The following BRWD3 variants were observed in gnomAD, a reference collection of about 807,000 sequenced individuals.
BRWD3 encodes the protein bromodomain and WD repeat domain containing 3, also known as bromodomain and WD repeat-containing protein 3.
Under a neutral mutation model 149.7 loss-of-function variants are expected in BRWD3, and 10 were observed. That is an observed-to-expected ratio of 0.07 (90% CI 0.04 to 0.11). The LOEUF is 0.11. Ranked by LOEUF, BRWD3 falls within the 10% of genes least tolerant of loss-of-function variation. The pLI is 1.00. For synonymous variants in BRWD3, 504 were observed against 456.7 expected (o/e 1.10, Z -1.32); for missense variants, 940 against 1,373.2 (o/e 0.68, Z 4.99).
intron 6 of BRWD3, among the ~76,000 whole-genome samples, chrX:80,765,285 T>G (rs973363232): frequency 8.9e-6 from 1 of 111,767 alleles, no homozygotes; most frequent in African/African-American, 3.3e-5. Context: ...TGATTGACAC[T>G]GACTACTGAG....
intron 6 of BRWD3, among the ~76,000 whole-genome samples, chrX:80,777,763 T>C (rs2074014357): frequency 2.7e-5 from 3 of 111,390 alleles, no homozygotes; most frequent in South Asian, 3.7e-4. Context: ...CCTGCAATCA[T>C]TAAAGTTATC....
At chrX:80,731,742 A>G (rs1569265760) in intron 12 of BRWD3, among the ~76,000 whole-genome samples, 1 of 108,314 alleles carries the variant, frequency 9.2e-6, no homozygotes. Flanking sequence ...AAAATACAAA[A>G]AAATTAGCCA....
chrX:80,746,504 A>G (rs935221568), intron 6 of BRWD3, among the ~76,000 whole-genome samples: 4 of 111,110 alleles, frequency 3.6e-5, no homozygotes, highest in African/African-American at 1.3e-4. Flanking sequence ...TGCTCATGCT[A>G]AAAAACAAAT....
intron 6 of BRWD3, among the ~76,000 whole-genome samples, chrX:80,784,550 A>C (rs1379735514): frequency 9.1e-6 from 1 of 110,159 alleles, no homozygotes; most frequent in Non-Finnish European, 1.9e-5. Context: ...CCTCACCCCC[A>C]CAAGAGGCCC....
intron 6 of BRWD3, among the ~76,000 whole-genome samples, chrX:80,773,896 T>C (rs781184125): frequency 2.7e-5 from 3 of 112,665 alleles, no homozygotes; most frequent in African/African-American, 9.7e-5. Flanking sequence ...CATTCTGGCA[T>C]CTGCCTAACC....
intron 33 of BRWD3, 91 bp downstream of exon 33, chrX:80,689,677 G>T: frequency 1.2e-6 from 1 of 828,037 alleles, no homozygotes; most frequent in Non-Finnish European, 1.8e-6. Flanking sequence ...CTGTTTTGCT[G>T]TTCATGGCCA....
At chrX:80,742,647 C>T (rs2073531589) in intron 8 of BRWD3, among the ~76,000 whole-genome samples, 1 of 109,913 alleles carries the variant, frequency 9.1e-6, no homozygotes, top group Non-Finnish European at 1.9e-5. Flanking sequence ...GTATTTTATT[C>T]TCTTTGAAGC....
chrX:80,757,827 C>T (rs2073759629), intron 6 of BRWD3, among the ~76,000 whole-genome samples: 1 of 112,296 alleles, frequency 8.9e-6, no homozygotes, highest in Admixed American at 9.5e-5. Context: ...GACTTAGCTG[C>T]TTTCTTTAAA....
chrX:80,742,411 T>TATGAACTTTAAAGC (rs2073526934), intron 8 of BRWD3, among the ~76,000 whole-genome samples: 1 of 96,277 alleles, frequency 1.0e-5, no homozygotes, highest in Non-Finnish European at 2.0e-5. Flanking sequence ...TTTGGTTCTG[T>TATGAACTTTAAAGC]AGTTTTTTCC....
At chrX:80,807,169 G>T (rs185458217) in intron 4 of BRWD3, among the ~76,000 whole-genome samples, 1 of 111,902 alleles carries the variant, frequency 8.9e-6, no homozygotes, top group East Asian at 2.8e-4. Context: ...AAGTCCAACA[G>T]AAAGACTGAC....
At chrX:80,723,193 C>T (rs962666163) in intron 16 of BRWD3, among the ~76,000 whole-genome samples, 4 of 110,927 alleles carry the variant, frequency 3.6e-5, no homozygotes, top group African/African-American at 1.3e-4. Flanking sequence ...AAATATCAAT[C>T]ACATCAAAGG....
intron 5 of BRWD3, 39 bp from the exon 6 acceptor site, chrX:80,791,991 G>GTTT: frequency 2.5e-6 from 2 of 801,703 alleles, no homozygotes; most frequent in Non-Finnish European, 3.5e-6. Context: ...GAATAGAGCA[G>GTTT]TTTTTTTTTT....
intron 4 of BRWD3, among the ~76,000 whole-genome samples, chrX:80,803,696 A>C (rs984438806): frequency 3.6e-5 from 4 of 112,180 alleles, no homozygotes; most frequent in Non-Finnish European, 5.6e-5. Flanking sequence ...TTGATATCCC[A>C]TGATGCATCC....
chrX:80,769,725 G>T (rs1229937724), intron 6 of BRWD3, among the ~76,000 whole-genome samples: 5 of 108,116 alleles, frequency 4.6e-5, no homozygotes, highest in African/African-American at 1.7e-4. Flanking sequence ...TTAGCAGAAG[G>T]CAAGAAATAA....
intron 9 of BRWD3, 152 bp from the exon 10 acceptor site, chrX:80,735,349 G>T: frequency 2.1e-6 from 1 of 471,893 alleles, no homozygotes; most frequent in Non-Finnish European, 3.8e-6. Context: ...CATCAATTAG[G>T]TTAAAAATGC....
chrX:80,762,494 G>A (rs185783882), intron 6 of BRWD3, among the ~76,000 whole-genome samples: 11 of 109,409 alleles, frequency 1.0e-4, no homozygotes, highest in Non-Finnish European at 2.1e-4. Context: ...CTAAAGCGGT[G>A]AACTCCTCCT....
chrX:80,774,192 A>AT (rs1363299308), intron 6 of BRWD3, among the ~76,000 whole-genome samples: 1 of 111,098 alleles, frequency 9.0e-6, no homozygotes, highest in Non-Finnish European at 1.9e-5. Context: ...TCGCATATAT[A>AT]TTTTTGTTCT....
chrX:80,685,444 A>C lies in BRWD3; in HGVS notation c.4080+18T>G. The C allele has an allele frequency of 8.5e-7, 1 of 1,176,870 alleles. No homozygotes were observed. The highest frequency in any genetic ancestry group is 1.2e-6 in the Non-Finnish European group (1 of 864,578). On this transcript the variant is annotated intron_variant, in intron 36 of 40. Transcript: ENST00000373275. Reference sequence around the variant, plus strand: ...GTAAAAACAATCAATATGTCTTTTAAGAGACTACCAGGCCTACCTCAGAAA... The same window carrying C: ...GTAAAAACAATCAATATGTCTTTTACGAGACTACCAGGCCTACCTCAGAAA...
intron 6 of BRWD3, among the ~76,000 whole-genome samples, chrX:80,753,616 G>C (rs1390209986): frequency 9.0e-6 from 1 of 111,391 alleles, no homozygotes; most frequent in Non-Finnish European, 1.9e-5. Context: ...ATGTCCAAAA[G>C]AGTTTTTGCT....
Sources: gnomAD v4.1 joint callset for allele counts (sites outside exome capture counted in the v4.1 genomes callset) on GRCh38, gnomAD v4.1.1 for gene constraint, MANE v1.5 for transcripts, NCBI Gene and HGNC (gene_info 2026-07-23, HGNC 2026-07-21) for gene names.